The following PCDHA3 variants were observed in gnomAD, a reference collection of about 807,000 sequenced individuals.
PCDHA3 encodes protocadherin alpha-3.
A neutral mutation model predicts 62.2 loss-of-function variants in PCDHA3; 41 were observed. The observed-to-expected ratio is 0.66, with a 90% confidence interval of 0.51 to 0.86. The LOEUF (loss-of-function observed/expected upper bound fraction) is 0.86. Ranked by LOEUF, PCDHA3 falls within the 40% of genes least tolerant of loss-of-function variation. PCDHA3 has a pLI of 0.00. For synonymous variants in PCDHA3, 640 were observed against 555.4 expected (o/e 1.15, Z -2.14); for missense variants, 1,304 against 1,241.2 (o/e 1.05, Z -0.76).
chr5:140,960,848 A>G (rs2095575135), intron 1 of PCDHA3, among the ~76,000 whole-genome samples: 1 of 152,212 alleles, frequency 6.6e-6, no homozygotes, highest in Non-Finnish European at 1.5e-5. Context: ...GTTTAATGGC[A>G]ACTATAAGCC....
At chr5:140,968,684 G>A in intron 1 of PCDHA3, 1 of 1,614,140 alleles carries the variant, frequency 6.2e-7, no homozygotes, top group Non-Finnish European at 8.5e-7. Flanking sequence ...GCTGCACACA[G>A]GAGAAATTAG....
At chr5:140,876,815 T>A in intron 1 of PCDHA3, 2 of 1,614,148 alleles carry the variant, frequency 1.2e-6, no homozygotes, top group Non-Finnish European at 1.7e-6. Flanking sequence ...GTGGCCGACG[T>A]GAACGACAAT....
At chr5:140,883,627 G>A (rs781902332) in intron 1 of PCDHA3, 34 of 1,613,816 alleles carry the variant, frequency 2.1e-5, no homozygotes, top group Non-Finnish European at 2.7e-5. Context: ...ACAACGCGCC[G>A]GCGTTCGCGC....
At chr5:140,837,441 C>T (rs1199592642) in intron 1 of PCDHA3, among the ~76,000 whole-genome samples, 4 of 151,714 alleles carry the variant, frequency 2.6e-5, no homozygotes, top group Admixed American at 6.6e-5. Flanking sequence ...AAATCTAGTA[C>T]GTAGTAAAAA....
intron 1 of PCDHA3, among the ~76,000 whole-genome samples, chr5:140,900,519 T>G (rs1264399196): frequency 6.6e-6 from 1 of 152,224 alleles, no homozygotes; most frequent in East Asian, 1.9e-4. Flanking sequence ...TCAGGTGATC[T>G]GCCCACCTCG....
intron 1 of PCDHA3, chr5:140,858,758 A>G (rs1474709962): frequency 4.4e-6 from 2 of 458,304 alleles, no homozygotes; most frequent in Non-Finnish European, 7.8e-6. Flanking sequence ...TTCGTTACAA[A>G]TATTTGTGAG....
At chr5:140,856,634 C>A (rs2044123180) in intron 1 of PCDHA3, 2 of 1,597,826 alleles carry the variant, frequency 1.3e-6, no homozygotes, top group African/African-American at 1.3e-5. Flanking sequence ...GCTTGTTCTG[C>A]GGAAGCTGCT....
intron 1 of PCDHA3, chr5:140,850,083 C>G: frequency 6.3e-7 from 1 of 1,596,622 alleles, no homozygotes; most frequent in Non-Finnish European, 8.6e-7. Context: ...GGAGCTGGAG[C>G]TGCTACAGTT....
intron 1 of PCDHA3, among the ~76,000 whole-genome samples, chr5:140,933,667 C>A (rs2089323484): frequency 6.6e-6 from 1 of 151,936 alleles, no homozygotes. Flanking sequence ...CTCTCTCTGT[C>A]TCTCTCACAT....
chr5:140,889,700 T>C (rs1554184005), intron 1 of PCDHA3, among the ~76,000 whole-genome samples: 1 of 152,200 alleles, frequency 6.6e-6, no homozygotes, highest in African/African-American at 2.4e-5. Context: ...TATGGGCATA[T>C]TCCACAAGTT....
chr5:140,941,939 T>C (rs2153657014), intron 1 of PCDHA3, among the ~76,000 whole-genome samples: 1 of 152,358 alleles, frequency 6.6e-6, no homozygotes, highest in African/African-American at 2.4e-5. Context: ...TTTGAATTAC[T>C]TTTGTTTTGA....
chr5:140,917,331 G>T (rs1256665914), intron 1 of PCDHA3, among the ~76,000 whole-genome samples: 12 of 137,574 alleles, frequency 8.7e-5, no homozygotes, highest in African/African-American at 3.0e-4. Context: ...TGGCGGGGGA[G>T]GGGGGGGATG....
chr5:140,983,588 C>G (rs530448589), intron 3 of PCDHA3, among the ~76,000 whole-genome samples: 1 of 152,152 alleles, frequency 6.6e-6, no homozygotes, highest in African/African-American at 2.4e-5. Context: ...TACATCTATT[C>G]TACATATGAG....
At chr5:140,893,510 G>A (rs1554185640) in intron 1 of PCDHA3, among the ~76,000 whole-genome samples, 1 of 152,148 alleles carries the variant, frequency 6.6e-6, no homozygotes, top group African/African-American at 2.4e-5. Flanking sequence ...AAAAAAAGCA[G>A]TTGTAGAACT....
intron 1 of PCDHA3, among the ~76,000 whole-genome samples, chr5:140,878,324 A>C (rs1298317950): frequency 4.6e-5 from 7 of 152,210 alleles, no homozygotes; most frequent in Admixed American, 1.3e-4. Context: ...TTTTCACATT[A>C]TATTCCAGGT....
chr5:140,987,481 G>T (rs1244029095), intron 3 of PCDHA3, among the ~76,000 whole-genome samples: 1 of 152,170 alleles, frequency 6.6e-6, no homozygotes, highest in Non-Finnish European at 1.5e-5. Flanking sequence ...TTGGGAGTCA[G>T]TGACCCTTTC....
chr5:140,807,137 C>T, intron 1 of PCDHA3: 1 of 1,567,282 alleles, frequency 6.4e-7, no homozygotes, highest in Admixed American at 1.8e-5. Context: ...AAAGATTTCC[C>T]TTGACTTTGA....
chr5:140,921,824 A>G (rs1554200461), intron 1 of PCDHA3, among the ~76,000 whole-genome samples: 1 of 152,172 alleles, frequency 6.6e-6, no homozygotes. Flanking sequence ...GTGAATATCT[A>G]TACACATATA....
In PCDHA3 at chr5:140,803,311, G is replaced by A; in HGVS notation, c.2114G>A (p.Cys705Tyr). The A allele has an allele frequency of 6.2e-7, 1 of 1,614,146 alleles. No individual in the cohort carries two copies. The highest frequency in any genetic ancestry group is 8.5e-7 in the Non-Finnish European group (1 of 1,179,994). The stretch of plus-strand genomic sequence containing the variant: ...AACGTGTACTTGATCGTCGCCATCT[G>A]CGCGGTGTCCAGTCTGTTGGTGCTC... ...DVNVYLIVAI[C>Y]AVSSLLVLTL... is the part of the protein sequence containing the mutation. The change falls in exon 1 of 4, where the codon TGC becomes TAC. Residue 705 changes from cysteine (C) to tyrosine (Y), a missense_variant. Physicochemically the swap from Cys to Tyr is radical, Grantham distance 194. Coordinates refer to ENST00000522353, the MANE Select transcript of PCDHA3 (RefSeq NM_018906.3).
Sources: gnomAD v4.1 joint callset for allele counts (sites outside exome capture counted in the v4.1 genomes callset) on GRCh38, gnomAD v4.1.1 for gene constraint, MANE v1.5 for transcripts, NCBI Gene and HGNC (gene_info 2026-07-23, HGNC 2026-07-21) for gene names.